ROCK2: variants seen among roughly 807,000 people sequenced by gnomAD.
ROCK2 encodes rho-associated protein kinase 2.
ROCK2 carries 61 observed loss-of-function variants against 195.1 expected under a neutral mutation model. The ratio of observed to expected loss-of-function variants is 0.31; its 90% CI spans 0.25 to 0.39. ROCK2 has a LOEUF of 0.39. Ranked by LOEUF, ROCK2 falls within the 10% of genes least tolerant of loss-of-function variation. The probability of loss-of-function intolerance (pLI) is 1.00; values close to 1 mark genes in which losing one functional copy is unlikely to be tolerated. For missense variants in ROCK2, 1,109 were observed against 1,637.4 expected (o/e 0.68, Z 5.57); for synonymous variants, 504 against 545.5 (o/e 0.92, Z 1.06).
chr2:11,301,590 T>C (rs1667706756), intron 1 of ROCK2, among the ~76,000 whole-genome samples: 1 of 151,794 alleles, frequency 6.6e-6, no homozygotes, highest in East Asian at 2.0e-4. Context: ...TAGCCTGGCC[T>C]ACATGGTGAA....
chr2:11,318,367 T>A (rs1668291647), intron 1 of ROCK2, among the ~76,000 whole-genome samples: 2 of 152,242 alleles, frequency 1.3e-5, no homozygotes. Context: ...TGGCCAGTGA[T>A]GATGAGCATT....
chr2:11,286,694 T>C (rs1190269621), intron 2 of ROCK2, 55 bp from the exon 3 acceptor site: 3 of 984,066 alleles, frequency 3.0e-6, no homozygotes, highest in Non-Finnish European at 1.5e-6. Flanking sequence ...TATTTTTACA[T>C]AATCAACATT....
At chr2:11,196,994 A>C (rs1306260912) in intron 27 of ROCK2, among the ~76,000 whole-genome samples, 186 bp downstream of exon 27, 1 of 152,214 alleles carries the variant, frequency 6.6e-6, no homozygotes, top group African/African-American at 2.4e-5. Flanking sequence ...GTTTATGAAA[A>C]ACTTTGTAAA....
At chr2:11,322,301 A>T (rs2148250199) in intron 1 of ROCK2, among the ~76,000 whole-genome samples, 1 of 152,216 alleles carries the variant, frequency 6.6e-6, no homozygotes, top group Middle Eastern at 3.4e-3. Flanking sequence ...TTTTCATATT[A>T]ATGTATCAGT....
rs186712977 is a variant in ROCK2, at chr2:11,329,481, C to A, written c.141+14515G>T. 4.7e-3 allele frequency among the ~76,000 whole-genome samples: 696 copies of A among 149,218 alleles called. 13 individuals carry two copies. The highest frequency in any genetic ancestry group is 0.016 in the East Asian group (82 of 5,096). On this transcript the variant is annotated intron_variant, in intron 1 of 32. Transcript: ENST00000315872. ...ATCCCATCTCCAAAAAAAAAAAAAACCGTAACTTCTTAAAAATTTATTCAC... is the reference window on the plus strand; with the variant it reads ...ATCCCATCTCCAAAAAAAAAAAAAAACGTAACTTCTTAAAAATTTATTCAC...
intron 1 of ROCK2, among the ~76,000 whole-genome samples, chr2:11,305,457 AC>A (rs1667830455): frequency 1.4e-5 from 2 of 142,614 alleles, no homozygotes; most frequent in African/African-American, 2.6e-5. Context: ...ACACACACAC[AC>A]ACACACACAC....
At chr2:11,338,875 TA>T (rs1669017409) in intron 1 of ROCK2, among the ~76,000 whole-genome samples, 1 of 151,490 alleles carries the variant, frequency 6.6e-6, no homozygotes, top group East Asian at 1.9e-4. Context: ...ATTCCATTTT[TA>T]TGAAGTATAG....
At chr2:11,248,865 T>C (rs1262430271) in intron 4 of ROCK2, among the ~76,000 whole-genome samples, 1 of 152,096 alleles carries the variant, frequency 6.6e-6, no homozygotes, top group Non-Finnish European at 1.5e-5. Flanking sequence ...GTTGTTTTTT[T>C]TCTTTTCAAG....
In ROCK2 at chr2:11,183,359, TG is replaced by T; in HGVS notation, c.*77del. 8.7e-7 allele frequency: 1 copy of T among 1,144,674 alleles called. No individual in the cohort carries two copies. The highest frequency in any genetic ancestry group is 2.0e-4 in the Middle Eastern group (1 of 5,082). 70.9% of individuals were successfully genotyped at this position (1,144,674 alleles called of 1,614,324 possible). ...GAAAATATAGCTTTTTAATAAATTT[TG>T]GGCCATCATATTTCAGTCTTGTTTT... is the stretch of plus-strand genomic sequence containing the variant. On this transcript the variant is annotated 3_prime_UTR_variant, in exon 33 of 33. Coordinates refer to ENST00000315872, the MANE Select transcript of ROCK2 (RefSeq NM_004850.5).
chr2:11,179,997 C>A lies in ROCK2; in HGVS notation c.*3440G>T, dbSNP rs1265902283. The stretch of plus-strand genomic sequence containing the variant: ...GGGATGGGAGTCAGGGAGAGGCCCC[C>A]CCCCAAGCATGATATCCAGCGCTGT... On this transcript the variant is annotated 3_prime_UTR_variant, in exon 33 of 33. Transcript: ENST00000315872. The A allele has an allele frequency of 6.6e-6, 1 of 152,056 alleles. No individual in the cohort carries two copies. Among genetic ancestry groups the A allele is most frequent in the Non-Finnish European group, 1.5e-5 (1 of 68,034 alleles). The allele number at this position is 152,056 out of a possible 1,614,324, so 9.4% of individuals were successfully genotyped here.
intron 18 of ROCK2, 33 bp downstream of exon 18, chr2:11,211,648 G>T (rs762056832): frequency 6.5e-7 from 1 of 1,533,136 alleles, no homozygotes. Flanking sequence ...TTAGGAAGAC[G>T]CTGCTGGAAA....
chr2:11,238,245 T>TGTGTGTGTGTGTGTGTGTGTGTC (rs11377542), intron 4 of ROCK2, among the ~76,000 whole-genome samples: 44 of 38,436 alleles, frequency 1.1e-3, no homozygotes, highest in African/African-American at 3.0e-3. Flanking sequence ...TGTGTGTCTG[T>TGTGTGTGTGTGTGTGTGTGTGTC]TGTGTGTGTC....
At position 11,344,296 on chromosome 2, in the gene ROCK2, G is replaced by A. The variant is rs574042934; in HGVS notation, c.-160C>T. 2.0e-5 allele frequency: 25 copies of A among 1,243,060 alleles called. No homozygotes were observed. In the African/African-American group the frequency reaches 3.6e-4, roughly 18 times the overall value. The allele number at this position is 1,243,060 out of a possible 1,614,324, so 77.0% of individuals were successfully genotyped here. On this transcript the variant is annotated 5_prime_UTR_variant, in exon 1 of 33. Transcript: ENST00000315872. The surrounding 1 kb of genome is among the most constrained non-coding windows in gnomAD (Gnocchi z 5.4). ...GGGTCTCCAAGGCGGTCCCCCGCCTGGGGGCTGCTCCCAGGGGCCCGCCCG... is the reference window on the plus strand; with the variant it reads ...GGGTCTCCAAGGCGGTCCCCCGCCTAGGGGCTGCTCCCAGGGGCCCGCCCG...
chr2:11,297,629 T>C (rs890643910), intron 1 of ROCK2, among the ~76,000 whole-genome samples: 2 of 152,144 alleles, frequency 1.3e-5, no homozygotes, highest in African/African-American at 2.4e-5. Flanking sequence ...AACTTTTTTT[T>C]CCCATCCAAG....
intron 1 of ROCK2, among the ~76,000 whole-genome samples, chr2:11,343,531 T>G (rs1669175384): frequency 6.6e-6 from 1 of 152,170 alleles, no homozygotes; most frequent in Non-Finnish European, 1.5e-5. Flanking sequence ...GATTTCAGAC[T>G]AAAAGGAGAG....
Position 11,307,968 on chromosome 2 carries a change from C to T in ROCK2, c.142-20232G>A, listed in dbSNP as rs911447929. 13 of 1,475,814 alleles carry T rather than the reference C, an allele frequency of 8.8e-6. No homozygotes were observed. In the African/African-American group the frequency reaches 1.8e-4, roughly 21 times the overall value. 91.4% of individuals were successfully genotyped at this position (1,475,814 alleles called of 1,614,324 possible). A position where few individuals can be genotyped will look rare whatever the true frequency, so the allele number is the denominator to read the frequency against. ...AGGGCCAGGCCTGGGAAGGATGGCG[C>T]CCTAGAACCCGGCCTTGCTGGGGTA... On this transcript the variant is annotated intron_variant, in intron 1 of 32. Coordinates refer to ENST00000315872, the MANE Select transcript of ROCK2 (RefSeq NM_004850.5).
intron 1 of ROCK2, among the ~76,000 whole-genome samples, chr2:11,307,296 A>G (rs1032438924): frequency 6.6e-6 from 1 of 152,186 alleles, no homozygotes; most frequent in African/African-American, 2.4e-5. Flanking sequence ...TGTCACCAAA[A>G]TGACAGAAAA....
chr2:11,305,416 T>C (rs994537793), intron 1 of ROCK2, among the ~76,000 whole-genome samples: 8 of 148,268 alleles, frequency 5.4e-5, no homozygotes, highest in Non-Finnish European at 8.9e-5. Flanking sequence ...TATAGAAATA[T>C]AGATGTAGAT....
intron 5 of ROCK2, among the ~76,000 whole-genome samples, chr2:11,231,632 A>C (rs1351190846): frequency 6.6e-6 from 1 of 152,214 alleles, no homozygotes. Flanking sequence ...TTACTGAGAC[A>C]CATCTACATA....
Sources: allele counts gnomAD v4.1 joint callset (sites outside exome capture counted in the v4.1 genomes callset), GRCh38; gene constraint gnomAD v4.1.1; non-coding constraint Gnocchi (gnomAD v3.1); transcripts MANE v1.5; gene names NCBI Gene and HGNC (gene_info 2026-07-23, HGNC 2026-07-21).